GRIK2: variants seen among roughly 807,000 people sequenced by gnomAD.
GRIK2 encodes glutamate receptor ionotropic, kainate 2.
Under a neutral mutation model 100.3 loss-of-function variants are expected in GRIK2, and 32 were observed. The ratio of observed to expected loss-of-function variants is 0.32; its 90% CI spans 0.24 to 0.43. The LOEUF (loss-of-function observed/expected upper bound fraction) is 0.43, where lower values mean the gene tolerates loss of function less well. GRIK2 is among the 20% of genes least tolerant of loss of function. GRIK2 has a pLI of 1.00. For synonymous variants in GRIK2, 417 were observed against 389.4 expected (o/e 1.07, Z -0.83); for missense variants, 843 against 1,114.9 (o/e 0.76, Z 3.47).
intron 11 of GRIK2, among the ~76,000 whole-genome samples, chr6:101,887,915 G>C (rs1481529386): frequency 1.3e-5 from 2 of 152,130 alleles, no homozygotes; most frequent in Non-Finnish European, 2.9e-5. Flanking sequence ...TTTGGGTGAA[G>C]ACATAGAGCC....
chr6:101,693,195 T>A (rs1772232006), intron 7 of GRIK2, among the ~76,000 whole-genome samples: 1 of 152,110 alleles, frequency 6.6e-6, no homozygotes, highest in Non-Finnish European at 1.5e-5. Flanking sequence ...ACATGAAAAA[T>A]GGCAGTTGCA....
intron 13 of GRIK2, among the ~76,000 whole-genome samples, 183 bp downstream of exon 13, chr6:101,924,902 A>G (rs1039751266): frequency 6.6e-6 from 1 of 152,218 alleles, no homozygotes; most frequent in African/African-American, 2.4e-5. Flanking sequence ...ATTCTGAGAA[A>G]ATAATTAGCT....
At chr6:101,803,540 C>T (rs1342050652) in intron 9 of GRIK2, among the ~76,000 whole-genome samples, 1 of 151,858 alleles carries the variant, frequency 6.6e-6, no homozygotes, top group Non-Finnish European at 1.5e-5. Flanking sequence ...ACAGTCCCTT[C>T]CTAACTGTCT....
At chr6:101,655,025 G>A (rs972633129) in intron 4 of GRIK2, among the ~76,000 whole-genome samples, 1 of 152,104 alleles carries the variant, frequency 6.6e-6, no homozygotes, top group African/African-American at 2.4e-5. Flanking sequence ...TATAGCTGTG[G>A]AACTTTGTAT....
chr6:101,762,274 G>A (rs565947358), intron 7 of GRIK2, among the ~76,000 whole-genome samples: 162 of 151,858 alleles, frequency 1.1e-3, no homozygotes, highest in African/African-American at 3.2e-3. Context: ...TCCTGTGCTC[G>A]AATGATCCTC....
At chr6:101,908,817 G>A (rs1366038404) in intron 12 of GRIK2, among the ~76,000 whole-genome samples, 2 of 150,964 alleles carry the variant, frequency 1.3e-5, no homozygotes, top group African/African-American at 4.8e-5. Flanking sequence ...GACAAACTAA[G>A]GCAAATGAAA....
At chr6:101,431,671 A>G (rs1184155284) in intron 2 of GRIK2, 1 of 152,232 alleles carries the variant, frequency 6.6e-6, no homozygotes, top group Non-Finnish European at 1.5e-5. Context: ...TTATGGTATT[A>G]CATATTACTT....
At position 101,546,612 on chromosome 6, in the gene GRIK2, A is replaced by G. The variant is rs78434014; in HGVS notation, c.116-75337A>G. Among the ~76,000 whole-genome samples the G allele has an allele frequency of 8.8e-3, 1,345 of 152,168 alleles. 34 individuals carry two copies. Among genetic ancestry groups the G allele is most frequent in the East Asian group, 0.043 (224 of 5,150 alleles). On this transcript the variant is annotated intron_variant, in intron 2 of 16. Transcript: ENST00000369134. Reference sequence around the variant, plus strand: ...GGATAACAATAGTTCTTACCACACAAGAGTGTTGCATGGATTAAATTAGTA... The same window carrying G: ...GGATAACAATAGTTCTTACCACACAGGAGTGTTGCATGGATTAAATTAGTA...
intron 7 of GRIK2, among the ~76,000 whole-genome samples, chr6:101,706,612 T>G (rs1395479103): frequency 6.6e-6 from 1 of 151,962 alleles, no homozygotes; most frequent in Non-Finnish European, 1.5e-5. Flanking sequence ...TAGACAGTTT[T>G]CAGACCGTGC....
At position 101,444,795 on chromosome 6, in the gene GRIK2, C is replaced by A. The variant is rs142222401; in HGVS notation, c.115+45403C>A. Among the ~76,000 whole-genome samples, 331 of 152,220 alleles carry A rather than the reference C, an allele frequency of 2.2e-3. 2 individuals carry two copies. The highest frequency in any genetic ancestry group is 7.7e-3 in the African/African-American group (320 of 41,574). On this transcript the variant is annotated intron_variant, in intron 2 of 16. Transcript: ENST00000369134. ...CCTTGCCTCATTACTGAATCATGAT[C>A]ATTTCTCCCCCTTAGATAAAAGCTT...
chr6:101,547,472 C>G (rs1353426557), intron 2 of GRIK2, among the ~76,000 whole-genome samples: 1 of 152,150 alleles, frequency 6.6e-6, no homozygotes, highest in Admixed American at 6.5e-5. Flanking sequence ...TTCCCCACTC[C>G]CCCTACCCCA....
chr6:101,479,236 A>C (rs1262734682), intron 2 of GRIK2, among the ~76,000 whole-genome samples: 2 of 152,210 alleles, frequency 1.3e-5, no homozygotes, highest in African/African-American at 2.4e-5. Flanking sequence ...ACTTTTTAGC[A>C]GTCTGTACCA....
At chr6:101,753,902 T>G (rs1010730435) in intron 7 of GRIK2, among the ~76,000 whole-genome samples, 5 of 152,082 alleles carry the variant, frequency 3.3e-5, no homozygotes, top group Non-Finnish European at 7.4e-5. Context: ...ATTATATTAA[T>G]TTTTAAGACT....
intron 10 of GRIK2, among the ~76,000 whole-genome samples, chr6:101,835,561 C>T (rs892533044): frequency 6.7e-6 from 1 of 149,878 alleles, no homozygotes; most frequent in South Asian, 2.1e-4. Context: ...ACTTCCATCC[C>T]CCGGGTTCAA....
chr6:101,879,603 A>T (rs1786104611), intron 11 of GRIK2, among the ~76,000 whole-genome samples: 1 of 151,894 alleles, frequency 6.6e-6, no homozygotes, highest in Non-Finnish European at 1.5e-5. Flanking sequence ...AACCTAAAGG[A>T]CAGCGACAAT....
intron 14 of GRIK2, among the ~76,000 whole-genome samples, chr6:101,956,774 A>G (rs1416497682): frequency 3.8e-5 from 5 of 131,978 alleles, no homozygotes; most frequent in Admixed American, 7.8e-5. Context: ...ATATGTGTGT[A>G]TATATATATA....
chr6:101,558,669 C>CTTTT (rs371713680), intron 2 of GRIK2, among the ~76,000 whole-genome samples: 9,182 of 143,314 alleles, frequency 0.064, 991 homozygotes, highest in African/African-American at 0.22. Context: ...CCCTTTGCTT[C>CTTTT]TTTTTTTTTT....
At chr6:101,451,128 C>A (rs1770652552) in intron 2 of GRIK2, among the ~76,000 whole-genome samples, 1 of 151,740 alleles carries the variant, frequency 6.6e-6, no homozygotes, top group Non-Finnish European at 1.5e-5. Context: ...GTTGCACAGT[C>A]TTCTCAAACT....
chr6:101,595,714 G>GTATA (rs1213458153), intron 2 of GRIK2, among the ~76,000 whole-genome samples: 51 of 129,644 alleles, frequency 3.9e-4, no homozygotes, highest in African/African-American at 1.0e-3. Context: ...GTGTGTGTGT[G>GTATA]TGTGTATATA....
Sources: gnomAD v4.1 joint callset for allele counts (sites outside exome capture counted in the v4.1 genomes callset) on GRCh38, gnomAD v4.1.1 for gene constraint, MANE v1.5 for transcripts, NCBI Gene and HGNC (gene_info 2026-07-23, HGNC 2026-07-21) for gene names.